The following GAS7 variants were observed in gnomAD, a reference collection of about 807,000 sequenced individuals.
The protein encoded by GAS7 is growth arrest-specific protein 7.
GAS7 carries 28 observed loss-of-function variants against 71.1 expected under a neutral mutation model. The ratio of observed to expected loss-of-function variants is 0.39; its 90% CI spans 0.29 to 0.54. GAS7 has a LOEUF of 0.54. GAS7 is among the 20% of genes least tolerant of loss of function. GAS7 has a pLI of 0.62. For missense variants in GAS7, 436 were observed against 627.8 expected, an observed-to-expected ratio of 0.69 and a Z score of 3.27; for synonymous variants, 258 against 245.8, an observed-to-expected ratio of 1.05 and a Z score of -0.46.
chr17:10,070,046 G>A (rs1259291729), intron 1 of GAS7, among the ~76,000 whole-genome samples: 6 of 151,994 alleles, frequency 3.9e-5, no homozygotes, highest in Admixed American at 1.3e-4. Context: ...TGAAAGTCTC[G>A]TCCAGAGACC....
chr17:9,926,919 C>G lies in GAS7; in HGVS notation c.886-150G>C, dbSNP rs1323241640. 3 of 749,394 alleles carry G rather than the reference C, an allele frequency of 4.0e-6. No homozygotes were observed. The East Asian group carries it at 7.8e-5, about 19-fold the overall frequency. The allele number at this position is 749,394 out of a possible 1,614,324, so 46.4% of individuals were successfully genotyped here. A position where few individuals can be genotyped will look rare whatever the true frequency, so the allele number is the denominator to read the frequency against. On this transcript the variant is annotated intron_variant, in intron 9 of 13. Transcript: ENST00000432992. This position sits in a 1 kb window ranked among gnomAD's most constrained non-coding sequence, Gnocchi z 5.0. ...CCTGGCAGGAAGGTGAGAGACACCC[C>G]CTGACACGTGGCTGCCTATCAGGTC...
At position 10,022,852 on chromosome 17, in the gene GAS7, G is replaced by A. The variant is rs117048361; in HGVS notation, c.184-2955C>T. On this transcript the variant is annotated intron_variant, in intron 1 of 13. Coordinates refer to ENST00000432992, the MANE Select transcript of GAS7 (RefSeq NM_201433.2). ...GTTTCCAATACTACCCGACTTGAAC[G>A]GCAAACACCTGCTGGGGAGGTTAAC... Among the ~76,000 whole-genome samples, 89 of 152,258 alleles carry A rather than the reference G, an allele frequency of 5.8e-4. No homozygotes were observed. In the East Asian group the frequency reaches 0.015, roughly 26 times the overall value.
chr17:10,006,904 C>G (rs1409709153), intron 2 of GAS7, among the ~76,000 whole-genome samples: 1 of 152,152 alleles, frequency 6.6e-6, no homozygotes, highest in Non-Finnish European at 1.5e-5. Flanking sequence ...AGTCTTGTCA[C>G]CATAAAATTG....
chr17:10,087,247 T>G (rs1288194302), intron 1 of GAS7, among the ~76,000 whole-genome samples: 1 of 152,216 alleles, frequency 6.6e-6, no homozygotes, highest in Non-Finnish European at 1.5e-5. Context: ...TACCCCCACT[T>G]CTGCTAAGCA....
rs530938637 is a variant in GAS7, at chr17:9,963,718, C to A, written c.472-4463G>T. On this transcript the variant is annotated intron_variant, in intron 4 of 13. Transcript: ENST00000432992. ...CTGTACTGTAGCCTGAGGTACAGAA[C>A]AAGACCCCATCTCTCTCTTTTTTCT... Among the ~76,000 whole-genome samples, 69 of 152,146 alleles carry A rather than the reference C, an allele frequency of 4.5e-4. 1 individual carries two copies. The highest frequency in any genetic ancestry group is 1.2e-3 in the African/African-American group (50 of 41,514).
At chr17:10,137,883 G>A (rs2074051029) in intron 1 of GAS7, among the ~76,000 whole-genome samples, 1 of 152,006 alleles carries the variant, frequency 6.6e-6, no homozygotes, top group African/African-American at 2.4e-5. Context: ...AGAAGGGAGG[G>A]AGGGAAAGGA....
At position 9,974,882 on chromosome 17, in the gene GAS7, C is replaced by T. The variant is rs977491669; in HGVS notation, c.386-5120G>A. 3.3e-5 allele frequency among the ~76,000 whole-genome samples: 5 copies of T among 152,298 alleles called. No individual in the cohort carries two copies. The highest frequency in any genetic ancestry group is 7.2e-5 in the African/African-American group (3 of 41,572). On this transcript the variant is annotated intron_variant, in intron 3 of 13. Transcript: ENST00000432992. The surrounding 1 kb of genome is among the most constrained non-coding windows in gnomAD (Gnocchi z 4.0). Reference sequence around the variant, plus strand: ...CAGCTCGGCTTCCATATCTCAGTACCGATCCCTGAGGGAAAAAGTCGCATC... The same window carrying T: ...CAGCTCGGCTTCCATATCTCAGTACTGATCCCTGAGGGAAAAAGTCGCATC...
Position 10,034,326 on chromosome 17 carries a change from T to TC in GAS7, c.184-14430_184-14429insG. 1 of 645,736 alleles carries TC rather than the reference T, an allele frequency of 1.5e-6. No individual in the cohort carries two copies. The highest frequency in any genetic ancestry group is 6.9e-5 in the South Asian group (1 of 14,500). The allele number at this position is 645,736 out of a possible 1,614,324, so 40.0% of individuals were successfully genotyped here. On this transcript the variant is annotated intron_variant, in intron 1 of 13. Coordinates refer to ENST00000432992, the MANE Select transcript of GAS7 (RefSeq NM_201433.2). This position sits in a 1 kb window ranked among gnomAD's most constrained non-coding sequence, Gnocchi z 4.4. Reference sequence around the variant, plus strand: ...AATACTTAATAATTCTTTTTTTTTTTTTTAGACAGTCTTGCTGTGTCACCC... The same window carrying TC: ...AATACTTAATAATTCTTTTTTTTTTTCTTTAGACAGTCTTGCTGTGTCACCC...
At chr17:10,144,605 G>A (rs966969633) in intron 1 of GAS7, among the ~76,000 whole-genome samples, 4 of 152,130 alleles carry the variant, frequency 2.6e-5, no homozygotes, top group Admixed American at 1.3e-4. Flanking sequence ...GTACAGTGGC[G>A]CAATCACGGC....
At chr17:9,948,130 T>C (rs1250449298) in intron 5 of GAS7, among the ~76,000 whole-genome samples, 1 of 152,254 alleles carries the variant, frequency 6.6e-6, no homozygotes, top group Non-Finnish European at 1.5e-5. Flanking sequence ...AAGAGGCTAT[T>C]AGTAGTTAAG....
chr17:9,913,736 C>T lies in GAS7; in HGVS notation c.*3492G>A, dbSNP rs543505171. On this transcript the variant is annotated 3_prime_UTR_variant, in exon 14 of 14. Transcript: ENST00000432992. Reference sequence around the variant, plus strand: ...CACGGTCCAAGGGGCCTATGTGTTGCCACTGACTGAAAGCACTAGAAAGAA... The same window carrying T: ...CACGGTCCAAGGGGCCTATGTGTTGTCACTGACTGAAAGCACTAGAAAGAA... 185 of 231,702 alleles carry T rather than the reference C, an allele frequency of 8.0e-4. 1 individual carries two copies. The highest frequency in any genetic ancestry group is 1.3e-3 in the Middle Eastern group (1 of 778). 14.4% of individuals were successfully genotyped at this position (231,702 alleles called of 1,614,324 possible).
chr17:10,099,490 T>C (rs1304500167), intron 1 of GAS7, among the ~76,000 whole-genome samples: 1 of 152,222 alleles, frequency 6.6e-6, no homozygotes, highest in South Asian at 2.1e-4. Flanking sequence ...CTGGAGTGGT[T>C]CTGGCAGGGC....
intron 1 of GAS7, among the ~76,000 whole-genome samples, chr17:10,194,790 G>A (rs543707784): frequency 1.9e-4 from 29 of 149,884 alleles, no homozygotes; most frequent in Admixed American, 1.3e-3. Flanking sequence ...TGGCTAACAC[G>A]GCGAAACCTC....
intron 1 of GAS7, among the ~76,000 whole-genome samples, chr17:10,185,799 G>A (rs553904938): frequency 1.3e-5 from 2 of 152,250 alleles, no homozygotes; most frequent in African/African-American, 4.8e-5. Flanking sequence ...GAACCCGCCT[G>A]GTGTGTGGGA....
intron 5 of GAS7, among the ~76,000 whole-genome samples, chr17:9,951,550 A>G (rs1027751341): frequency 1.3e-5 from 2 of 152,134 alleles, no homozygotes; most frequent in Admixed American, 1.3e-4. Flanking sequence ...TGAGGTCGGG[A>G]GTTGGAGACC....
At chr17:9,957,689 C>G (rs963888498) in intron 5 of GAS7, among the ~76,000 whole-genome samples, 6 of 151,274 alleles carry the variant, frequency 4.0e-5, no homozygotes, top group Non-Finnish European at 7.4e-5. Context: ...GGGGACTGTA[C>G]CCTCTGGAAC....
Position 10,005,137 on chromosome 17 carries a change from G to A in GAS7, c.304+14640C>T, listed in dbSNP as rs1269511175. Among the ~76,000 whole-genome samples the A allele has an allele frequency of 4.3e-3, 450 of 104,304 alleles. 10 individuals carry two copies. The East Asian group carries it at 0.061, about 14-fold the overall frequency. 68.4% of individuals were successfully genotyped at this position (104,304 alleles called of 152,430 possible). A position where few individuals can be genotyped will look rare whatever the true frequency, so the allele number is the denominator to read the frequency against. ...CGTGTGCACGCATACCAGCATGTGTGCGCGCACGCATGCATGCATGTGTGT... is the reference window on the plus strand; with the variant it reads ...CGTGTGCACGCATACCAGCATGTGTACGCGCACGCATGCATGCATGTGTGT... On this transcript the variant is annotated intron_variant, in intron 2 of 13. Transcript: ENST00000432992.
At chr17:10,046,797 G>GAAGC (rs2072970513) in intron 1 of GAS7, among the ~76,000 whole-genome samples, 2 of 82,310 alleles carry the variant, frequency 2.4e-5, no homozygotes, top group Admixed American at 1.1e-4. Flanking sequence ...AGGAAGGAAG[G>GAAGC]AAGGAAGGAA....
intron 3 of GAS7, among the ~76,000 whole-genome samples, chr17:9,979,349 G>A (rs754350803): frequency 5.3e-5 from 8 of 152,130 alleles, no homozygotes; most frequent in African/African-American, 1.4e-4. Flanking sequence ...TTGGCCATGC[G>A]GGCAATTCTC....
Sources: gnomAD v4.1 joint callset for allele counts (sites outside exome capture counted in the v4.1 genomes callset) on GRCh38, gnomAD v4.1.1 for gene constraint, Gnocchi (gnomAD v3.1) non-coding constraint, MANE v1.5 for transcripts, NCBI Gene and HGNC (gene_info 2026-07-23, HGNC 2026-07-21) for gene names.